Variants in VCL observed in about 807,000 individuals in gnomAD.
VCL encodes vinculin.
A neutral mutation model predicts 125.7 loss-of-function variants in VCL; 47 were observed. The ratio of observed to expected loss-of-function variants is 0.37; its 90% CI spans 0.30 to 0.48. The LOEUF (loss-of-function observed/expected upper bound fraction) is 0.48. VCL is among the 20% of genes least tolerant of loss of function. The pLI is 0.99. For missense variants in VCL, 1,069 were observed against 1,455.5 expected, an observed-to-expected ratio of 0.73 and a Z score of 4.32; for synonymous variants, 458 against 514.6, an observed-to-expected ratio of 0.89 and a Z score of 1.49.
At position 74,108,686 on chromosome 10, in the gene VCL, G is replaced by A. The variant is rs183598626; in HGVS notation, c.2560-285G>A. Among the ~76,000 whole-genome samples, 68 of 152,206 alleles carry A rather than the reference G, an allele frequency of 4.5e-4. 1 individual carries two copies. The highest frequency in any genetic ancestry group is 2.9e-5 in the Non-Finnish European group (2 of 68,010). Reference sequence around the variant, plus strand: ...GTAGAGATGGGGTTTCACCATTTTGGGCAGGCTGGTCTCGAACTCCTGACC... The same window carrying A: ...GTAGAGATGGGGTTTCACCATTTTGAGCAGGCTGGTCTCGAACTCCTGACC... On this transcript the variant is annotated intron_variant, in intron 17 of 21. Transcript: ENST00000211998.
chr10:74,100,921 GTTC>G (rs1288188844), intron 13 of VCL, 24 bp from the exon 14 acceptor site: 2 of 1,613,446 alleles, frequency 1.2e-6, no homozygotes, highest in South Asian at 2.2e-5. Flanking sequence ...TGAAATAAAT[GTTC>G]TTAATATCTG....
chr10:74,053,940 T>A (rs893454879), intron 2 of VCL, among the ~76,000 whole-genome samples: 5 of 152,270 alleles, frequency 3.3e-5, no homozygotes, highest in Admixed American at 6.5e-5. Context: ...TCTTTAAAAT[T>A]ATTTTTTAAA....
chr10:74,016,627 AT>A (rs1295532497), intron 1 of VCL, among the ~76,000 whole-genome samples: 2 of 152,146 alleles, frequency 1.3e-5, no homozygotes, highest in Non-Finnish European at 2.9e-5. Context: ...GGATAATCTT[AT>A]TGTTTTGAGG....
intron 1 of VCL, among the ~76,000 whole-genome samples, chr10:74,008,194 A>G (rs2136224812): frequency 6.6e-6 from 1 of 152,350 alleles, no homozygotes; most frequent in East Asian, 1.9e-4. Flanking sequence ...AATATTTCCC[A>G]TCCCCAGCTG....
chr10:74,084,608 CTTTTTCTTTTTTA>C (rs923961457), intron 8 of VCL, among the ~76,000 whole-genome samples: 8 of 149,134 alleles, frequency 5.4e-5, no homozygotes, highest in African/African-American at 2.0e-4. Flanking sequence ...TTTTCTTTTT[CTTTTTCTTTTTTA>C]TTTTTTTGAG....
intron 2 of VCL, among the ~76,000 whole-genome samples, chr10:74,043,442 G>A (rs1841135143): frequency 6.6e-6 from 1 of 152,004 alleles, no homozygotes; most frequent in African/African-American, 2.4e-5. Flanking sequence ...TGCCTCTTGG[G>A]TTCAAATGAT....
chr10:74,105,178 A>G lies in VCL; in HGVS notation c.2259A>G (p.Ala753=). 1 of 1,614,202 alleles carries G rather than the reference A, an allele frequency of 6.2e-7. No homozygotes were observed. Among genetic ancestry groups the G allele is most frequent in the Non-Finnish European group, 8.5e-7 (1 of 1,180,026 alleles). The change falls in exon 16 of 22, where the codon GCA becomes GCG. Residue 753 remains alanine (A), a synonymous_variant. Transcript: ENST00000211998. ...NIQPQMLVAG[A]TSIARRANRI... ...AGCCTCAGATGCTGGTTGCTGGGGCAACCAGTATTGCTCGTCGGGCCAACC... is the reference window on the plus strand; with the variant it reads ...AGCCTCAGATGCTGGTTGCTGGGGCGACCAGTATTGCTCGTCGGGCCAACC...
chr10:74,111,954 G>A lies in VCL; in HGVS notation c.2791G>A (p.Ala931Thr). The change falls in exon 19 of 22, where the codon GCA (alanine) becomes ACA (threonine). Residue 931 changes from alanine to threonine, a missense_variant. Ala to Thr is a moderately conservative substitution (Grantham distance 58, BLOSUM62 0). Transcript: ENST00000211998. ...GGTGGGTATAGGTGTTGTAGCTGAG[G>A]CAGATGCGGCCGATGCTGCTGGCTT... ...AEVGIGVVAE[A>T]DAADAAGFPV... is the part of the protein sequence containing the mutation. 6.2e-7 allele frequency: 1 copy of A among 1,614,226 alleles called. No homozygotes were observed. Among genetic ancestry groups the A allele is most frequent in the South Asian group, 1.1e-5 (1 of 91,082 alleles).
intron 2 of VCL, among the ~76,000 whole-genome samples, chr10:74,049,038 C>G (rs866067893): frequency 6.6e-6 from 1 of 152,072 alleles, no homozygotes; most frequent in African/African-American, 2.4e-5. Context: ...ACCCAGGAGG[C>G]GGAGTTTGCA....
chr10:74,056,352 A>G (rs1397335270), intron 2 of VCL, among the ~76,000 whole-genome samples: 5 of 151,998 alleles, frequency 3.3e-5, no homozygotes. Flanking sequence ...GATATAATTG[A>G]CAAATGGAAA....
At chr10:74,009,010 G>C (rs1461014764) in intron 1 of VCL, among the ~76,000 whole-genome samples, 1 of 152,038 alleles carries the variant, frequency 6.6e-6, no homozygotes, top group Non-Finnish European at 1.5e-5. Flanking sequence ...TAGCTTTTGG[G>C]GGGGAAAATT....
chr10:74,028,199 C>T (rs960050627), intron 1 of VCL, among the ~76,000 whole-genome samples: 1 of 152,054 alleles, frequency 6.6e-6, no homozygotes, highest in Admixed American at 6.5e-5. Flanking sequence ...GATCACCCTC[C>T]CAAGTAGCTA....
At chr10:74,021,982 G>A (rs1356307235) in intron 1 of VCL, among the ~76,000 whole-genome samples, 5 of 151,674 alleles carry the variant, frequency 3.3e-5, no homozygotes, top group African/African-American at 9.7e-5. Flanking sequence ...TCTTTCTTAA[G>A]TATAGCTCTG....
In VCL at chr10:74,003,235, C is replaced by T. The variant is rs368860946; in HGVS notation, c.168+4860C>T. Reference sequence around the variant, plus strand: ...TTACAGGCATGTACCACTTAAAACTCTATTTAAGGCAGTTTTAAACACAGA... The same window carrying T: ...TTACAGGCATGTACCACTTAAAACTTTATTTAAGGCAGTTTTAAACACAGA... On this transcript the variant is annotated intron_variant, in intron 1 of 21. Transcript: ENST00000211998. 2.6e-5 allele frequency among the ~76,000 whole-genome samples: 4 copies of T among 151,814 alleles called. No individual in the cohort carries two copies. The East Asian group carries it at 5.8e-4, about 22-fold the overall frequency.
intron 21 of VCL, among the ~76,000 whole-genome samples, chr10:74,116,215 C>T (rs778122421): frequency 3.3e-5 from 5 of 152,314 alleles, no homozygotes; most frequent in South Asian, 4.1e-4. Flanking sequence ...GGAAATAAGG[C>T]GGCCATTCTT....
chr10:74,112,512 C>T (rs1387893990), intron 19 of VCL, among the ~76,000 whole-genome samples: 2 of 152,174 alleles, frequency 1.3e-5, no homozygotes, highest in East Asian at 3.9e-4. Context: ...ACTGACCCCT[C>T]ACTGATGGCT....
Position 73,998,397 on chromosome 10 carries a change from C to T in VCL, c.168+22C>T, listed in dbSNP as rs1215977551. The T allele has an allele frequency of 3.5e-6, 5 of 1,448,502 alleles. No homozygotes were observed. The Admixed American group carries it at 8.0e-5, about 23-fold the overall frequency. The allele number at this position is 1,448,502 out of a possible 1,614,324, so 89.7% of individuals were successfully genotyped here. A position where few individuals can be genotyped will look rare whatever the true frequency, so the allele number is the denominator to read the frequency against. ...CCGGGTGAGCGCGCAGGGCCTGGCG[C>T]GGGAGCGGGCGCGGGAGGTATCCCC... On this transcript the variant is annotated intron_variant, in intron 1 of 21. Transcript: ENST00000211998.
At chr10:74,030,501 T>C (rs758452802) in intron 1 of VCL, among the ~76,000 whole-genome samples, 144 of 152,336 alleles carry the variant, frequency 9.5e-4, no homozygotes, top group Middle Eastern at 3.4e-3. Flanking sequence ...GAGGAGTTTA[T>C]GCATAAGGAG....
intron 21 of VCL, among the ~76,000 whole-genome samples, 171 bp from the exon 22 acceptor site, chr10:74,117,852 C>T (rs1455446971): frequency 6.6e-6 from 1 of 152,092 alleles, no homozygotes; most frequent in Admixed American, 6.5e-5. Flanking sequence ...CAGCGATGGC[C>T]AGTTTTGGGT....
Sources: gnomAD v4.1 joint callset for allele counts (sites outside exome capture counted in the v4.1 genomes callset) on GRCh38, gnomAD v4.1.1 for gene constraint, MANE v1.5 for transcripts, NCBI Gene and HGNC (gene_info 2026-07-23, HGNC 2026-07-21) for gene names.